Variants in XPO6 observed in about 807,000 individuals in gnomAD.
XPO6 encodes exportin 6.
XPO6 carries 3 observed loss-of-function variants against 130.0 expected under a neutral mutation model. The observed-to-expected ratio is 0.02, with a 90% CI of 0.01 to 0.06. XPO6 has a LOEUF of 0.06. Among genes scored for constraint, XPO6 ranks in the 10% least tolerant of loss-of-function variants. The pLI is 1.00. For missense variants in XPO6, 970 were observed against 1,393.0 expected, an observed-to-expected ratio of 0.70 and a Z score of 4.83; for synonymous variants, 524 against 548.9, an observed-to-expected ratio of 0.95 and a Z score of 0.63.
rs2044128708 is a variant in XPO6 at position 28,211,363 on chromosome 16, T to C, written c.3+3A>G. ...GAGGGAAGGGGGCTCCAATTCCACT[T>C]ACCATGCTGGCCGGGGAGGGGGCGG... On this transcript the variant is annotated splice_donor_region_variant and intron_variant, in intron 1 of 23. Transcript: ENST00000304658. 3 of 1,312,442 alleles carry C rather than the reference T, an allele frequency of 2.3e-6. No homozygotes were observed. The highest frequency in any genetic ancestry group is 6.4e-5 in the South Asian group (2 of 31,436). 81.3% of individuals were successfully genotyped at this position (1,312,442 alleles called of 1,614,324 possible). A position where few individuals can be genotyped will look rare whatever the true frequency, so the allele number is the denominator to read the frequency against.
intron 15 of XPO6, among the ~76,000 whole-genome samples, chr16:28,115,373 T>C (rs2087030338): frequency 1.3e-5 from 2 of 152,230 alleles, no homozygotes; most frequent in South Asian, 4.1e-4. Context: ...TGAGCAGCCA[T>C]GGAAACTATG....
chr16:28,162,589 T>A (rs2043294301), intron 6 of XPO6, among the ~76,000 whole-genome samples: 2 of 147,566 alleles, frequency 1.4e-5, no homozygotes, highest in South Asian at 4.3e-4. Context: ...GGAGACAGGG[T>A]CTTGCTCTGT....
At chr16:28,149,062 A>AT (rs2043037649) in intron 8 of XPO6, among the ~76,000 whole-genome samples, 4 of 150,030 alleles carry the variant, frequency 2.7e-5, no homozygotes, top group Non-Finnish European at 4.4e-5. Flanking sequence ...AGAAAATAAA[A>AT]AAAAAAAAAA....
chr16:28,138,559 G>C (rs889509086), intron 9 of XPO6, among the ~76,000 whole-genome samples: 1 of 152,124 alleles, frequency 6.6e-6, no homozygotes, highest in African/African-American at 2.4e-5. Context: ...GTGGGAGGTG[G>C]AGAAAGTATA....
At chr16:28,138,528 A>G (rs533122335) in intron 9 of XPO6, among the ~76,000 whole-genome samples, 103 of 152,286 alleles carry the variant, frequency 6.8e-4, no homozygotes, top group African/African-American at 2.4e-3. Context: ...CACATAGATC[A>G]CTGATCTCCC....
Position 28,106,534 on chromosome 16 carries a change from A to G in XPO6, c.2498-37T>C. 2 of 1,556,098 alleles carry G rather than the reference A, an allele frequency of 1.3e-6. No homozygotes were observed. The highest frequency in any genetic ancestry group is 8.9e-7 in the Non-Finnish European group (1 of 1,129,024). ...GGCAGAGATATCGTCAGAGGCTTGC[A>G]CACAGTGAGAACCAGAACCCTGGGC... On this transcript the variant is annotated intron_variant, in intron 18 of 23. Coordinates refer to ENST00000304658, the MANE Select transcript of XPO6 (RefSeq NM_015171.4). The surrounding 1 kb of genome is among the most constrained non-coding windows in gnomAD (Gnocchi z 4.2).
At chr16:28,127,084 G>A (rs931855666) in intron 12 of XPO6, among the ~76,000 whole-genome samples, 2 of 152,176 alleles carry the variant, frequency 1.3e-5, no homozygotes, top group Non-Finnish European at 2.9e-5. Context: ...GCCTCTGGAG[G>A]CTCTCTCCTG....
rs1431429480 is a variant in XPO6 at position 28,106,936 on chromosome 16, G to C, written c.2498-439C>G. Among the ~76,000 whole-genome samples, 1 of 152,326 alleles carries C rather than the reference G, an allele frequency of 6.6e-6. No homozygotes were observed. Among genetic ancestry groups the C allele is most frequent in the East Asian group, 1.9e-4 (1 of 5,188 alleles). On this transcript the variant is annotated intron_variant, in intron 18 of 23. Transcript: ENST00000304658. This position sits in a 1 kb window ranked among gnomAD's most constrained non-coding sequence, Gnocchi z 4.2. ...AAAGTGGATAATGAAGGTGTATTTA[G>C]GTTGCATGGCCCTGGTCCATTAAAT...
At chr16:28,164,216 T>C (rs1007351066) in intron 6 of XPO6, among the ~76,000 whole-genome samples, 3 of 152,210 alleles carry the variant, frequency 2.0e-5, no homozygotes, top group Admixed American at 1.3e-4. Context: ...AGGAATTCAT[T>C]TGGTTGCTTC....
chr16:28,101,815 G>A lies in XPO6; in HGVS notation c.3045+32C>T, dbSNP rs1168182882. On this transcript the variant is annotated intron_variant, in intron 22 of 23. Transcript: ENST00000304658. This position sits in a 1 kb window ranked among gnomAD's most constrained non-coding sequence, Gnocchi z 5.4. ...GGACACAGGCCACAATGCCCCTGAT[G>A]GAAGAATATTTCCAAGAGCTGGGGC... is the stretch of plus-strand genomic sequence containing the variant. The A allele has an allele frequency of 6.8e-6, 11 of 1,607,228 alleles. No homozygotes were observed. Among genetic ancestry groups the A allele is most frequent in the Non-Finnish European group, 9.4e-6 (11 of 1,174,362 alleles).
intron 1 of XPO6, 134 bp downstream of exon 1, chr16:28,211,232 T>G: frequency 1.1e-6 from 1 of 881,666 alleles, no homozygotes; most frequent in Non-Finnish European, 1.5e-6. Context: ...TCTGCACGCA[T>G]GTGTCACCGG....
intron 10 of XPO6, among the ~76,000 whole-genome samples, 184 bp from the exon 11 acceptor site, chr16:28,134,117 A>G (rs1436979910): frequency 1.3e-5 from 2 of 152,236 alleles, no homozygotes; most frequent in Admixed American, 6.5e-5. Context: ...ACAAAAAACT[A>G]CTTCCTCAGA....
chr16:28,098,543 G>A lies in XPO6; in HGVS notation c.3373C>T (p.Leu1125Phe), dbSNP rs761040404. 6.2e-7 allele frequency: 1 copy of A among 1,611,056 alleles called. No homozygotes were observed. Among genetic ancestry groups the A allele is most frequent in the East Asian group, 2.2e-5 (1 of 44,708 alleles). The change falls in exon 24 of 24, where the codon CTC becomes TTC. Residue 1125 changes from leucine (L) to phenylalanine (F), a missense_variant. By Grantham distance (22) the Leu-to-Phe change is conservative (BLOSUM62 0). Coordinates refer to ENST00000304658, the MANE Select transcript of XPO6 (RefSeq NM_015171.4). ...GTCCCCAGGCAGTAGCAGGCCTAGA[G>A]CTTCACAGTGCCAGGGGGCAGGCTG... is the stretch of plus-strand genomic sequence containing the variant. Reference protein sequence around the residue: ...NDSLPPGTVKL With the variant: ...NDSLPPGTVKF
intron 1 of XPO6, among the ~76,000 whole-genome samples, chr16:28,185,109 A>C (rs2043673545): frequency 6.6e-6 from 1 of 152,254 alleles, no homozygotes; most frequent in South Asian, 2.1e-4. Context: ...TGCTACATGC[A>C]ACAACACAGA....
Position 28,112,806 on chromosome 16 carries a change from C to G in XPO6, c.2151+98G>C, listed in dbSNP as rs180908555. The G allele has an allele frequency of 3.1e-3, 4,503 of 1,464,074 alleles. 19 individuals carry two copies. The highest frequency in any genetic ancestry group is 3.3e-3 in the Non-Finnish European group (3,559 of 1,085,082). 90.7% of individuals were successfully genotyped at this position (1,464,074 alleles called of 1,614,324 possible). ...TGTCTATGCTGGTACAGCCTGTAAG[C>G]TCTGAGTACAAAATCAAAGGCCAGA... On this transcript the variant is annotated intron_variant, in intron 16 of 23. Coordinates refer to ENST00000304658, the MANE Select transcript of XPO6 (RefSeq NM_015171.4).
Position 28,106,202 on chromosome 16 carries a change from G to C in XPO6, c.2625C>G (p.Ala875=). The C allele has an allele frequency of 6.2e-7, 1 of 1,614,044 alleles. No homozygotes were observed. The highest frequency in any genetic ancestry group is 8.5e-7 in the Non-Finnish European group (1 of 1,180,024). Residue 875 remains alanine, a synonymous_variant, in exon 20 of 24, where the codon GCC becomes GCG. Transcript: ENST00000304658. This position sits in a 1 kb window ranked among gnomAD's most constrained non-coding sequence, Gnocchi z 4.2. Reference sequence around the variant, plus strand: ...TGCTGCCCTCGTGGAGGATGCTCTCGGCTAACTGCTCTCTACAGAGGAGAA... The same window carrying C: ...TGCTGCCCTCGTGGAGGATGCTCTCCGCTAACTGCTCTCTACAGAGGAGAA... ...FLNMFTREQL[A]ESILHEGSTG... is the part of the protein sequence containing the mutation.
At chr16:28,111,777 T>C in intron 17 of XPO6, 40 bp downstream of exon 17, 1 of 1,602,146 alleles carries the variant, frequency 6.2e-7, no homozygotes, top group Non-Finnish European at 8.5e-7. Flanking sequence ...AATGCCTGCC[T>C]ACCTCCTTCC....
intron 13 of XPO6, among the ~76,000 whole-genome samples, chr16:28,122,619 T>G (rs2141267142): frequency 6.6e-6 from 1 of 152,008 alleles, no homozygotes; most frequent in Middle Eastern, 3.4e-3. Flanking sequence ...AAATCCTGTT[T>G]GTTTGTTTTG....
intron 8 of XPO6, among the ~76,000 whole-genome samples, chr16:28,146,759 G>A (rs979264333): frequency 2.0e-5 from 3 of 152,168 alleles, no homozygotes; most frequent in African/African-American, 7.2e-5. Context: ...CTGACCCTCA[G>A]GGCATTATCC....
Sources: gnomAD v4.1 joint callset for allele counts (sites outside exome capture counted in the v4.1 genomes callset) on GRCh38, gnomAD v4.1.1 for gene constraint, Gnocchi (gnomAD v3.1) non-coding constraint, MANE v1.5 for transcripts, NCBI Gene and HGNC (gene_info 2026-07-23, HGNC 2026-07-21) for gene names.